CD96: variants seen among roughly 807,000 people sequenced by gnomAD.
CD96 encodes CD96 molecule.
CD96 carries 70 observed loss-of-function variants against 71.3 expected under a neutral mutation model. The ratio of observed to expected loss-of-function variants is 0.98; its 90% CI spans 0.81 to 1.20. CD96 has a LOEUF of 1.20. Ranked by LOEUF, CD96 falls within the 50% of genes most tolerant of loss-of-function variation. The probability of loss-of-function intolerance (pLI) is 0.00; values close to 1 mark genes in which losing one functional copy is unlikely to be tolerated. For missense variants in CD96, 742 were observed against 677.5 expected, an observed-to-expected ratio of 1.10 and a Z score of -1.06; for synonymous variants, 248 against 233.0, an observed-to-expected ratio of 1.06 and a Z score of -0.59.
At position 111,585,378 on chromosome 3, in the gene CD96, G is replaced by A. The variant is rs267599540; in HGVS notation, c.807G>A (p.Glu269=). The change falls in exon 5 of 14, where the codon GAG becomes GAA. Residue 269 remains glutamate, a splice_region_variant and synonymous_variant. Coordinates refer to ENST00000352690, the MANE Select transcript of CD96 (RefSeq NM_005816.5). The stretch of plus-strand genomic sequence containing the variant: ...ATAACTCCACGGATGTCTTGGTAGA[G>A]GTGAGTCACATAAAAGCCTTTGAAA... ...VENNSTDVLV[E]RRFTCLLKNV... 1.3e-6 allele frequency: 2 copies of A among 1,596,514 alleles called. No individual in the cohort carries two copies. The highest frequency in any genetic ancestry group is 1.7e-6 in the Non-Finnish European group (2 of 1,164,230).
At chr3:111,636,160 G>A (rs1939316170) in intron 10 of CD96, among the ~76,000 whole-genome samples, 1 of 152,082 alleles carries the variant, frequency 6.6e-6, no homozygotes, top group African/African-American at 2.4e-5. Flanking sequence ...TACTTCTCAG[G>A]TGACCCCAAA....
intron 5 of CD96, among the ~76,000 whole-genome samples, chr3:111,596,068 A>C (rs780837422): frequency 1.6e-4 from 25 of 152,094 alleles, no homozygotes; most frequent in Admixed American, 2.0e-4. Context: ...AGGCTGAAGC[A>C]AGAGAATTGC....
At chr3:111,560,600 C>G (rs1453608696) in intron 2 of CD96, among the ~76,000 whole-genome samples, 2 of 97,662 alleles carry the variant, frequency 2.0e-5, no homozygotes, top group Non-Finnish European at 4.2e-5. Flanking sequence ...ATGGGCTTCC[C>G]TTTGAGGGTA....
At chr3:111,610,404 G>T (rs557328696) in intron 8 of CD96, among the ~76,000 whole-genome samples, 1 of 152,192 alleles carries the variant, frequency 6.6e-6, no homozygotes. Context: ...AACTTCAAAG[G>T]CTGTGGTTTC....
At chr3:111,646,105 A>C (rs1453723650) in intron 12 of CD96, among the ~76,000 whole-genome samples, 3 of 152,178 alleles carry the variant, frequency 2.0e-5, no homozygotes, top group Non-Finnish European at 4.4e-5. Flanking sequence ...ACCAATCCAG[A>C]TAGCTTTTTG....
chr3:111,595,433 T>G (rs1937212144), intron 5 of CD96: 1 of 152,162 alleles, frequency 6.6e-6, no homozygotes, highest in South Asian at 2.1e-4. Flanking sequence ...TCCTCCCACT[T>G]CTAGGGAAGC....
chr3:111,648,304 C>G (rs1348635511), intron 13 of CD96, among the ~76,000 whole-genome samples: 1 of 152,152 alleles, frequency 6.6e-6, no homozygotes, highest in African/African-American at 2.4e-5. Context: ...GGAAGGGACC[C>G]CAGTACCCAG....
intron 5 of CD96, among the ~76,000 whole-genome samples, chr3:111,587,398 A>AG (rs1459089981): frequency 6.6e-6 from 1 of 151,672 alleles, no homozygotes; most frequent in African/African-American, 2.4e-5. Context: ...GTGTCCCATT[A>AG]GGGACACAAG....
chr3:111,628,096 AAAC>A (rs1410973548), intron 10 of CD96, among the ~76,000 whole-genome samples: 1 of 152,210 alleles, frequency 6.6e-6, no homozygotes, highest in African/African-American at 2.4e-5. Context: ...AAAAGAAAAA[AAAC>A]AACAACCAGA....
chr3:111,545,284 A>ACTTAAG lies in CD96; in HGVS notation c.300_301insCTTAAG (p.Lys100_Trp101insLeuLys). 6.2e-7 allele frequency: 1 copy of ACTTAAG among 1,614,068 alleles called. No homozygotes were observed. Among genetic ancestry groups the ACTTAAG allele is most frequent in the Non-Finnish European group, 8.5e-7 (1 of 1,179,918 alleles). On this transcript the variant is annotated inframe_insertion, in exon 2 of 14. Transcript: ENST00000352690. ...CAGAAACTCCTGAGAATGGGTCAAA[A>ACTTAAG]TGGACTCTGCACTTAAGGAATATGT...
intron 3 of CD96, chr3:111,570,642 T>G: frequency 6.2e-7 from 1 of 1,605,094 alleles, no homozygotes; most frequent in Non-Finnish European, 8.5e-7. Flanking sequence ...AGCTCACACG[T>G]ACATGGCCCG....
intron 5 of CD96, among the ~76,000 whole-genome samples, chr3:111,591,371 T>TAA (rs3082283): frequency 0.44 from 38,816 of 87,868 alleles, 9,964 homozygotes; most frequent in Non-Finnish European, 0.56. Context: ...GACTCCATCT[T>TAA]AAAAAAAAAA....
In CD96 at chr3:111,579,247, G is replaced by T. The variant is rs758812317; in HGVS notation, c.751+13G>T. 1 of 1,421,128 alleles carries T rather than the reference G, an allele frequency of 7.0e-7. No homozygotes were observed. Among genetic ancestry groups the T allele is most frequent in the Middle Eastern group, 1.8e-4 (1 of 5,678 alleles). The allele number at this position is 1,421,128 out of a possible 1,614,324, so 88.0% of individuals were successfully genotyped here. On this transcript the variant is annotated intron_variant, in intron 4 of 13. Transcript: ENST00000352690. Reference sequence around the variant, plus strand: ...GTCAAGGTTTTTGGTAAGGGCTTTTGTTCTACAGACTCACTGGCATCCTCC... The same window carrying T: ...GTCAAGGTTTTTGGTAAGGGCTTTTTTTCTACAGACTCACTGGCATCCTCC...
intron 3 of CD96, among the ~76,000 whole-genome samples, chr3:111,569,330 C>G (rs1935866080): frequency 6.6e-6 from 1 of 152,160 alleles, no homozygotes; most frequent in Non-Finnish European, 1.5e-5. Flanking sequence ...TACAGTATCT[C>G]TTTGTCATCT....
At chr3:111,543,721 T>C (rs1243570367) in intron 1 of CD96, among the ~76,000 whole-genome samples, 6 of 152,080 alleles carry the variant, frequency 3.9e-5, no homozygotes, top group Non-Finnish European at 7.4e-5. Flanking sequence ...TATCTCAACC[T>C]TCCAAGCTTC....
chr3:111,571,825 A>G lies in CD96; in HGVS notation c.543+4178A>G, dbSNP rs1040039863. The stretch of plus-strand genomic sequence containing the variant: ...CTGTAGGATTCAGCCAGTCTATTAA[A>G]CCATCTAATGTCCTTATAAAGTAGA... On this transcript the variant is annotated intron_variant, in intron 3 of 13. Coordinates refer to ENST00000352690, the MANE Select transcript of CD96 (RefSeq NM_005816.5). Among the ~76,000 whole-genome samples, 11 of 152,332 alleles carry G rather than the reference A, an allele frequency of 7.2e-5. No homozygotes were observed. In the East Asian group the frequency reaches 9.6e-4, roughly 13 times the overall value.
At chr3:111,616,387 G>A (rs779270940) in intron 8 of CD96, among the ~76,000 whole-genome samples, 1 of 152,134 alleles carries the variant, frequency 6.6e-6, no homozygotes, top group Non-Finnish European at 1.5e-5. Flanking sequence ...TCTGGCTAGG[G>A]CTGATGTCTG....
rs149013704 is a variant in CD96 at position 111,600,797 on chromosome 3, G to C, written c.970G>C (p.Val324Leu). 6.2e-7 allele frequency: 1 copy of C among 1,613,064 alleles called. No homozygotes were observed. The highest frequency in any genetic ancestry group is 1.1e-5 in the South Asian group (1 of 91,042). Residue 324 changes from valine (V) to leucine (L), a missense_variant, in exon 7 of 14, where the codon GTA (valine) becomes CTA (leucine). Transcript: ENST00000352690. ...FLELKSVLTR[V>L]HSNKPAQSDN... Reference sequence around the variant, plus strand: ...GGAACTGAAGTCTGTTTTAACAAGGGTACATAGTAATAAACCAGCCCAATC... The same window carrying C: ...GGAACTGAAGTCTGTTTTAACAAGGCTACATAGTAATAAACCAGCCCAATC...
intron 4 of CD96, among the ~76,000 whole-genome samples, chr3:111,584,616 G>A (rs1936619596): frequency 6.6e-6 from 1 of 152,130 alleles, no homozygotes; most frequent in South Asian, 2.1e-4. Context: ...CACAGCAATG[G>A]GAAGAGAAAA....
Sources: allele counts gnomAD v4.1 joint callset (sites outside exome capture counted in the v4.1 genomes callset), GRCh38; gene constraint gnomAD v4.1.1; transcripts MANE v1.5; gene names NCBI Gene and HGNC (gene_info 2026-07-23, HGNC 2026-07-21).